The following DPP6 variants were observed in gnomAD, a reference collection of about 807,000 sequenced individuals.
DPP6 encodes the protein dipeptidyl peptidase like 6, also known as A-type potassium channel modulatory protein DPP6.
In DPP6, 69 loss-of-function variants were observed where a neutral mutation model predicts 122.6. The observed-to-expected ratio is 0.56, with a 90% CI of 0.46 to 0.69. The LOEUF is 0.69. Ranked by LOEUF, DPP6 falls within the 30% of genes least tolerant of loss-of-function variation. The pLI, the probability that DPP6 is intolerant of heterozygous loss-of-function variation, is 0.00. For missense variants in DPP6, 928 were observed against 1,116.9 expected, an observed-to-expected ratio of 0.83 and a Z score of 2.41; for synonymous variants, 418 against 433.1, an observed-to-expected ratio of 0.97 and a Z score of 0.43.
chr7:154,607,727 T>A (rs1357260385), intron 5 of DPP6, among the ~76,000 whole-genome samples: 1 of 118,374 alleles, frequency 8.4e-6, no homozygotes, highest in Non-Finnish European at 1.9e-5. Context: ...CCTTATGATG[T>A]TTATAACATT....
chr7:154,597,274 T>C (rs1200097915), intron 5 of DPP6, among the ~76,000 whole-genome samples: 6 of 151,636 alleles, frequency 4.0e-5, no homozygotes, highest in Non-Finnish European at 8.8e-5. Context: ...CAATTGTGGG[T>C]TGGTGTCTCC....
chr7:154,405,005 G>A (rs977312241), intron 1 of DPP6, among the ~76,000 whole-genome samples: 1 of 152,152 alleles, frequency 6.6e-6, no homozygotes, highest in Non-Finnish European at 1.5e-5. Context: ...GCCTATGTGT[G>A]CCAAGCGTCA....
chr7:154,191,324 G>A (rs930466504), intron 1 of DPP6, among the ~76,000 whole-genome samples: 3 of 152,316 alleles, frequency 2.0e-5, no homozygotes, highest in African/African-American at 7.2e-5. Context: ...CACTTCTTTT[G>A]TAGGCAGATA....
intron 1 of DPP6, among the ~76,000 whole-genome samples, chr7:154,214,821 G>C (rs1389320802): frequency 2.6e-5 from 4 of 152,182 alleles, no homozygotes; most frequent in Non-Finnish European, 5.9e-5. Context: ...AGGAGGCTCA[G>C]GTGGGAGGAT....
chr7:154,489,060 T>A (rs1824045145), intron 3 of DPP6, among the ~76,000 whole-genome samples: 1 of 152,214 alleles, frequency 6.6e-6, no homozygotes, highest in South Asian at 2.1e-4. Context: ...CAGCACGGCT[T>A]GCTCTTCTTA....
intron 1 of DPP6, among the ~76,000 whole-genome samples, chr7:153,914,812 T>G (rs1021232133): frequency 4.6e-5 from 7 of 152,196 alleles, no homozygotes; most frequent in Admixed American, 3.9e-4. Context: ...TCTCTGACCA[T>G]GCATGGTCAA....
At chr7:154,800,003 A>G (rs1798263582) in intron 12 of DPP6, among the ~76,000 whole-genome samples, 1 of 152,226 alleles carries the variant, frequency 6.6e-6, no homozygotes, top group African/African-American at 2.4e-5. Flanking sequence ...GGCCAGAATT[A>G]ATTATTTATT....
At chr7:154,023,806 G>T (rs1436915412) in intron 1 of DPP6, among the ~76,000 whole-genome samples, 3 of 151,934 alleles carry the variant, frequency 2.0e-5, no homozygotes, top group Non-Finnish European at 2.9e-5. Flanking sequence ...TTACATAACA[G>T]ATTGTATTAC....
intron 17 of DPP6, among the ~76,000 whole-genome samples, chr7:154,859,102 G>A (rs953312942): frequency 2.6e-5 from 4 of 152,184 alleles, no homozygotes; most frequent in African/African-American, 4.8e-5. Flanking sequence ...CCTTCACGTC[G>A]CTGCCATCTG....
At chr7:154,716,226 T>C (rs1303336180) in intron 7 of DPP6, among the ~76,000 whole-genome samples, 1 of 152,170 alleles carries the variant, frequency 6.6e-6, no homozygotes, top group African/African-American at 2.4e-5. Flanking sequence ...TTTCCAAGTT[T>C]ACCCATCACA....
intron 5 of DPP6, among the ~76,000 whole-genome samples, chr7:154,583,374 C>A (rs1223012767): frequency 6.6e-6 from 1 of 152,208 alleles, no homozygotes; most frequent in Non-Finnish European, 1.5e-5. Context: ...AGGCCGCTCA[C>A]CCCTCCCTCT....
chr7:154,874,247 A>G (rs1375456107), intron 19 of DPP6, among the ~76,000 whole-genome samples: 1 of 152,158 alleles, frequency 6.6e-6, no homozygotes, highest in Non-Finnish European at 1.5e-5. Flanking sequence ...TCCCCTGCAC[A>G]CTGGTTTCTT....
chr7:153,932,969 A>G (rs1801242741), intron 1 of DPP6, among the ~76,000 whole-genome samples: 1 of 152,086 alleles, frequency 6.6e-6, no homozygotes, highest in Non-Finnish European at 1.5e-5. Flanking sequence ...TAAGTCTCGC[A>G]AGATCTGATG....
chr7:154,478,150 AT>A (rs903053694), intron 3 of DPP6, among the ~76,000 whole-genome samples: 16 of 151,148 alleles, frequency 1.1e-4, no homozygotes, highest in African/African-American at 2.4e-4. Flanking sequence ...GAGTTCACCC[AT>A]TTTTTTTTAA....
chr7:154,628,382 G>A (rs750214886), intron 5 of DPP6, among the ~76,000 whole-genome samples: 16 of 152,236 alleles, frequency 1.1e-4, no homozygotes, highest in South Asian at 4.1e-4. Flanking sequence ...CCCCCGGGTC[G>A]TCTCTTGTCT....
At chr7:154,060,328 GA>G (rs1305126292) in intron 1 of DPP6, among the ~76,000 whole-genome samples, 270 of 116,726 alleles carry the variant, frequency 2.3e-3, no homozygotes, top group African/African-American at 6.3e-3. Context: ...CCCATCGCAG[GA>G]GGGGGAGGCA....
intron 1 of DPP6, among the ~76,000 whole-genome samples, chr7:154,031,049 G>C (rs1799200624): frequency 6.6e-6 from 1 of 151,622 alleles, no homozygotes; most frequent in African/African-American, 2.4e-5. Flanking sequence ...GCTCTCCCTG[G>C]TTGTCTTATC....
intron 1 of DPP6, among the ~76,000 whole-genome samples, chr7:154,263,591 A>G (rs1352861403): frequency 6.6e-6 from 1 of 152,090 alleles, no homozygotes; most frequent in East Asian, 1.9e-4. Flanking sequence ...CTACACACCT[A>G]TTTCTGCACT....
intron 3 of DPP6, among the ~76,000 whole-genome samples, chr7:154,516,970 T>C (rs899707677): frequency 7.9e-5 from 12 of 152,236 alleles, no homozygotes; most frequent in Admixed American, 6.5e-4. Flanking sequence ...CAGTCTTTTC[T>C]GTTATCTTTT....
Sources: gnomAD v4.1 joint callset for allele counts (sites outside exome capture counted in the v4.1 genomes callset) on GRCh38, gnomAD v4.1.1 for gene constraint, MANE v1.5 for transcripts, NCBI Gene and HGNC (gene_info 2026-07-23, HGNC 2026-07-21) for gene names.